KANSL1: variants seen among roughly 807,000 people sequenced by gnomAD.
The protein encoded by KANSL1 is KAT8 regulatory NSL complex subunit 1, also known as MLL1/MLL complex subunit KANSL1.
A neutral mutation model predicts 103.6 loss-of-function variants in KANSL1; 22 were observed. The observed-to-expected ratio is 0.21, with a 90% CI of 0.15 to 0.30. The LOEUF (loss-of-function observed/expected upper bound fraction) is 0.30. Ranked by LOEUF, KANSL1 falls within the 10% of genes least tolerant of loss-of-function variation. The pLI, the probability that KANSL1 is intolerant of heterozygous loss-of-function variation, is 1.00. For missense variants in KANSL1, 1,337 were observed against 1,399.8 expected (o/e 0.96, Z 0.72); for synonymous variants, 600 against 527.6 (o/e 1.14, Z -1.88).
intron 1 of KANSL1, among the ~76,000 whole-genome samples, chr17:46,199,239 T>A (rs1233236229): frequency 6.6e-6 from 1 of 152,238 alleles, no homozygotes; most frequent in Non-Finnish European, 1.5e-5. Context: ...AGTCTTCAAT[T>A]CTCACTTTTC....
intron 2 of KANSL1, among the ~76,000 whole-genome samples, chr17:46,101,595 CA>C (rs1165449183): frequency 4.0e-5 from 6 of 149,846 alleles, no homozygotes; most frequent in African/African-American, 7.4e-5. Flanking sequence ...ACTAAAAATA[CA>C]AAAAAAAATT....
intron 1 of KANSL1, among the ~76,000 whole-genome samples, chr17:46,209,444 TATGTCAG>T (rs1238783190): frequency 6.6e-6 from 1 of 152,222 alleles, no homozygotes; most frequent in African/African-American, 2.4e-5. Flanking sequence ...CTCAAACTGA[TATGTCAG>T]ATGTCAGGTA....
At chr17:46,130,333 T>A (rs1240087933) in intron 2 of KANSL1, among the ~76,000 whole-genome samples, 1 of 152,186 alleles carries the variant, frequency 6.6e-6, no homozygotes, top group Non-Finnish European at 1.5e-5. Context: ...GTGATCTGAA[T>A]GTGCAGCCCA....
At chr17:46,165,376 G>A (rs1418316568) in intron 2 of KANSL1, among the ~76,000 whole-genome samples, 3 of 152,168 alleles carry the variant, frequency 2.0e-5, no homozygotes, top group South Asian at 4.1e-4. Context: ...GGGACTACAG[G>A]GGACCGCCAC....
At chr17:46,117,113 T>C (rs1392343832) in intron 2 of KANSL1, among the ~76,000 whole-genome samples, 2 of 152,222 alleles carry the variant, frequency 1.3e-5, no homozygotes, top group African/African-American at 4.8e-5. Context: ...TGAGGGAGCT[T>C]GTGACCACTT....
rs2077236682 is a variant in KANSL1 at position 46,039,122 on chromosome 17, G to A, written c.2297C>T (p.Pro766Leu). 1.2e-6 allele frequency: 2 copies of A among 1,612,480 alleles called. No homozygotes were observed. The highest frequency in any genetic ancestry group is 1.7e-6 in the Non-Finnish European group (2 of 1,179,772). The stretch of plus-strand genomic sequence containing the variant: ...TGGGTTGAGCAAGCGCTCTGCTTTT[G>A]GCGCTGTCACTCGCTCCACCATGGG... ...AVPMVERVTA[P>L]KAERLLNPPP... The change falls in exon 9 of 15, where the codon CCA becomes CTA. Residue 766 changes from proline (P) to leucine (L), a missense_variant. This residue lies in a region of KANSL1 where 780 missense variants were observed against 923.4 expected (regional missense o/e 0.84). Coordinates refer to ENST00000432791, the MANE Select transcript of KANSL1 (RefSeq NM_015443.4).
intron 1 of KANSL1, among the ~76,000 whole-genome samples, chr17:46,200,065 A>C (rs867559965): frequency 4.2e-4 from 63 of 151,306 alleles, no homozygotes; most frequent in Admixed American, 1.6e-3. Context: ...ACACACACAC[A>C]CCCTGATTAT....
chr17:46,209,198 A>C (rs1364599725), intron 1 of KANSL1, among the ~76,000 whole-genome samples: 1 of 152,140 alleles, frequency 6.6e-6, no homozygotes, highest in African/African-American at 2.4e-5. Flanking sequence ...AAAAAAAGAA[A>C]ATGCAAAGTC....
At chr17:46,177,474 T>C (rs958852097) in intron 1 of KANSL1, among the ~76,000 whole-genome samples, 2 of 152,256 alleles carry the variant, frequency 1.3e-5, no homozygotes, top group Non-Finnish European at 2.9e-5. Flanking sequence ...CTCGGTTAAA[T>C]TATTAAATAT....
rs1386788892 is a variant in KANSL1, at chr17:46,067,613, T to C, written c.1588A>G (p.Ile530Val). The change falls in exon 5 of 15, where the codon ATT becomes GTT. Residue 530 changes from isoleucine (I) to valine (V), a missense_variant. Around this residue, in one of 2 missense-constraint regions of KANSL1, gnomAD observed 780 missense variants for 923.4 expected, o/e 0.84. Transcript: ENST00000432791. ...GATTTGGTAGACAGTGACTCTGAAA[T>C]ATGACCAATAATAGGGGCACCATGG... ...ENHGAPIIGH[I>V]SESLSTKSCG... The C allele has an allele frequency of 6.2e-7, 1 of 1,608,784 alleles. No individual in the cohort carries two copies. The highest frequency in any genetic ancestry group is 8.5e-7 in the Non-Finnish European group (1 of 1,175,200).
intron 2 of KANSL1, among the ~76,000 whole-genome samples, chr17:46,123,626 A>G (rs907479932): frequency 6.6e-6 from 1 of 152,270 alleles, no homozygotes; most frequent in Non-Finnish European, 1.5e-5. Context: ...AACCAGCCAC[A>G]ACATTCCATT....
At chr17:46,214,377 G>C (rs2048274325) in intron 1 of KANSL1, among the ~76,000 whole-genome samples, 1 of 152,192 alleles carries the variant, frequency 6.6e-6, no homozygotes, top group African/African-American at 2.4e-5. Context: ...GTGATGGCCG[G>C]GTATGGTGGC....
At chr17:46,200,747 AT>A (rs2047775941) in intron 1 of KANSL1, among the ~76,000 whole-genome samples, 1 of 111,312 alleles carries the variant, frequency 9.0e-6, no homozygotes, top group Non-Finnish European at 2.4e-5. Context: ...GTCTCAAAAT[AT>A]ATATATATAT....
In KANSL1 at chr17:46,066,604, C is replaced by T. The variant is rs1057520691; in HGVS notation, c.1781G>A (p.Arg594His). Reference sequence around the variant, plus strand: ...CCGCTTCTTACAGCTCAGTACAGGACGTGTCCGGGCTGCCACACAGGTGCC... The same window carrying T: ...CCGCTTCTTACAGCTCAGTACAGGATGTGTCCGGGCTGCCACACAGGTGCC... Reference protein sequence around the residue: ...SDGTCVAARTRPVLSCKKRRL... With the variant: ...SDGTCVAARTHPVLSCKKRRL... The change falls in exon 6 of 15, where the codon CGT becomes CAT. Residue 594 changes from arginine to histidine, a missense_variant. Coordinates refer to ENST00000432791, the MANE Select transcript of KANSL1 (RefSeq NM_015443.4). 1.2e-6 allele frequency: 2 copies of T among 1,614,050 alleles called. No homozygotes were observed. The highest frequency in any genetic ancestry group is 1.7e-6 in the Non-Finnish European group (2 of 1,180,028).
At chr17:46,138,584 A>G (rs529123756) in intron 2 of KANSL1, among the ~76,000 whole-genome samples, 1 of 152,376 alleles carries the variant, frequency 6.6e-6, no homozygotes, top group East Asian at 1.9e-4. Flanking sequence ...TGTATAATGC[A>G]AAGATTCCAA....
chr17:46,217,682 A>T (rs1333458013), intron 1 of KANSL1, among the ~76,000 whole-genome samples: 1 of 152,126 alleles, frequency 6.6e-6, no homozygotes, highest in Non-Finnish European at 1.5e-5. Context: ...TAAGGTCAGG[A>T]GTTTGAGACC....
chr17:46,135,172 C>T (rs1185078817), intron 2 of KANSL1, among the ~76,000 whole-genome samples: 2 of 151,912 alleles, frequency 1.3e-5, no homozygotes, highest in Non-Finnish European at 2.9e-5. Flanking sequence ...AAAAAAAAGC[C>T]TATCTTTTAG....
intron 7 of KANSL1, chr17:46,043,133 C>G (rs766346075): frequency 1.3e-5 from 2 of 152,290 alleles, no homozygotes; most frequent in African/African-American, 4.8e-5. Flanking sequence ...AGAAAGGAGA[C>G]GAGGTCACTT....
intron 2 of KANSL1, among the ~76,000 whole-genome samples, chr17:46,164,528 C>A (rs1200998839): frequency 6.6e-6 from 1 of 152,222 alleles, no homozygotes; most frequent in Admixed American, 6.5e-5. Context: ...TGAAATTATT[C>A]CCACATTTCT....
Sources: gnomAD v4.1 joint callset for allele counts (sites outside exome capture counted in the v4.1 genomes callset) on GRCh38, gnomAD v4.1.1 for gene constraint, gnomAD v4.1.1 regional missense constraint, MANE v1.5 for transcripts, NCBI Gene and HGNC (gene_info 2026-07-23, HGNC 2026-07-21) for gene names.